LRP1B: variants seen among roughly 807,000 people sequenced by gnomAD.
LRP1B encodes low-density lipoprotein receptor-related protein 1B.
LRP1B carries 217 observed loss-of-function variants against 556.6 expected under a neutral mutation model. The ratio of observed to expected loss-of-function variants is 0.39; its 90% CI spans 0.35 to 0.44. LRP1B has a LOEUF of 0.44. Among genes scored for constraint, LRP1B ranks in the 20% least tolerant of loss-of-function variants. The probability of loss-of-function intolerance (pLI) is 1.00; values close to 1 mark genes in which losing one functional copy is unlikely to be tolerated. For missense variants in LRP1B, 5,053 were observed against 5,620.8 expected (o/e 0.90, Z 3.23); for synonymous variants, 2,047 against 1,865.8 (o/e 1.10, Z -2.50).
intron 1 of LRP1B, among the ~76,000 whole-genome samples, chr2:141,858,046 G>C (rs745535378): frequency 6.6e-6 from 1 of 152,082 alleles, no homozygotes; most frequent in Non-Finnish European, 1.5e-5. Context: ...AGTTAAAAAT[G>C]ATCCAAGTAG....
Position 140,600,873 on chromosome 2 carries a change from G to A in LRP1B, c.6989+577C>T, listed in dbSNP as rs1391488543. ...TATTCACTGAGTATATTTTATATCC[G>A]GAGCATTTTCTTTTGTCATGAAATT... On this transcript the variant is annotated intron_variant, in intron 42 of 90. Coordinates refer to ENST00000389484, the MANE Select transcript of LRP1B (RefSeq NM_018557.3). Among the ~76,000 whole-genome samples, 7 of 140,940 alleles carry A rather than the reference G, an allele frequency of 5.0e-5. No individual in the cohort carries two copies. In the South Asian group the frequency reaches 6.7e-4, roughly 13 times the overall value. 92.5% of individuals were successfully genotyped at this position (140,940 alleles called of 152,430 possible).
intron 1 of LRP1B, among the ~76,000 whole-genome samples, chr2:141,985,834 C>T (rs1255731835): frequency 1.3e-5 from 2 of 151,990 alleles, no homozygotes; most frequent in African/African-American, 4.8e-5. Flanking sequence ...AAATATGTTT[C>T]ACCTCAATGA....
intron 35 of LRP1B, among the ~76,000 whole-genome samples, chr2:140,717,737 C>G (rs983737598): frequency 6.6e-6 from 1 of 152,066 alleles, no homozygotes; most frequent in Admixed American, 6.6e-5. Context: ...TAAAATTTCC[C>G]TCTGGCACAC....
intron 1 of LRP1B, among the ~76,000 whole-genome samples, chr2:141,913,081 C>T (rs1042182241): frequency 3.3e-5 from 5 of 152,056 alleles, no homozygotes; most frequent in African/African-American, 1.2e-4. Context: ...GTTTTGCCTC[C>T]CCTCTAGGGT....
In LRP1B at chr2:141,544,382, C is replaced by CT. The variant is rs1559131551; in HGVS notation, c.206-63850dup. 7.5e-4 allele frequency among the ~76,000 whole-genome samples: 49 copies of CT among 65,702 alleles called. 1 individual carries two copies. Among genetic ancestry groups the CT allele is most frequent in the East Asian group, 1.4e-3 (2 of 1,388 alleles). The allele number at this position is 65,702 out of a possible 152,430, so 43.1% of individuals were successfully genotyped here. A position where few individuals can be genotyped will look rare whatever the true frequency, so the allele number is the denominator to read the frequency against. ...TCTTCTTCTTCTTCTTCTTCTTCTTCTCCTCCTCCTCCTCCTCCTCCTCCT... is the reference window on the plus strand; with the variant it reads ...TCTTCTTCTTCTTCTTCTTCTTCTTCTTCCTCCTCCTCCTCCTCCTCCTCCT... On this transcript the variant is annotated intron_variant, in intron 2 of 90. Transcript: ENST00000389484.
chr2:140,458,723 C>A (rs953285744), intron 60 of LRP1B, among the ~76,000 whole-genome samples: 9 of 151,936 alleles, frequency 5.9e-5, no homozygotes, highest in Admixed American at 5.2e-4. Context: ...GAAAAACTAT[C>A]AAAATTTCAA....
At chr2:141,283,658 C>T (rs941964134) in intron 3 of LRP1B, among the ~76,000 whole-genome samples, 16 of 138,430 alleles carry the variant, frequency 1.2e-4, no homozygotes, top group South Asian at 2.3e-4. Context: ...TGTAGTGGCG[C>T]GGTCTCGGCT....
intron 1 of LRP1B, among the ~76,000 whole-genome samples, chr2:141,910,152 A>AG (rs1477734730): frequency 2.0e-5 from 3 of 151,576 alleles, no homozygotes; most frequent in African/African-American, 7.3e-5. Context: ...AAAAAAAAAA[A>AG]AAAAAAATTG....
chr2:142,090,015 TAA>T (rs1706101786), intron 1 of LRP1B, among the ~76,000 whole-genome samples: 3 of 152,052 alleles, frequency 2.0e-5, no homozygotes, highest in Admixed American at 2.0e-4. Context: ...AGAAAAAAAG[TAA>T]AGTGTCAGAT....
At chr2:140,234,115 A>G (rs1680589871) in intron 90 of LRP1B, among the ~76,000 whole-genome samples, 1 of 151,346 alleles carries the variant, frequency 6.6e-6, no homozygotes, top group Non-Finnish European at 1.5e-5. Context: ...TCTTAGTTAC[A>G]ACAAGGAAAC....
intron 43 of LRP1B, among the ~76,000 whole-genome samples, chr2:140,581,487 T>A (rs1278722638): frequency 7.3e-6 from 1 of 137,646 alleles, no homozygotes; most frequent in Non-Finnish European, 1.7e-5. Context: ...GGCTTTGTTA[T>A]TTTTTTTTTG....
rs1317977600 is a variant in LRP1B at position 141,133,700 on chromosome 2, A to C, written c.1013+54721T>G. ...CTTATTCTGTACTCCCCTTAGCCCAATGACAGGCAAGCATTTTTATATGTA... is the reference window on the plus strand; with the variant it reads ...CTTATTCTGTACTCCCCTTAGCCCACTGACAGGCAAGCATTTTTATATGTA... On this transcript the variant is annotated intron_variant, in intron 7 of 90. Coordinates refer to ENST00000389484, the MANE Select transcript of LRP1B (RefSeq NM_018557.3). Among the ~76,000 whole-genome samples the C allele has an allele frequency of 2.0e-5, 3 of 152,002 alleles. No individual in the cohort carries two copies. The East Asian group carries it at 5.8e-4, about 29-fold the overall frequency.
chr2:140,339,149 C>A (rs1681247917), intron 77 of LRP1B, among the ~76,000 whole-genome samples: 1 of 151,744 alleles, frequency 6.6e-6, no homozygotes, highest in Non-Finnish European at 1.5e-5. Context: ...ACCCTTACAT[C>A]TTACAAAAAA....
At chr2:141,927,554 A>T (rs1226288314) in intron 1 of LRP1B, among the ~76,000 whole-genome samples, 1 of 152,104 alleles carries the variant, frequency 6.6e-6, no homozygotes, top group Non-Finnish European at 1.5e-5. Context: ...TATCCTAATC[A>T]GTGCCATGCT....
chr2:141,821,255 T>C (rs184371869), intron 1 of LRP1B, among the ~76,000 whole-genome samples: 1 of 152,324 alleles, frequency 6.6e-6, no homozygotes, highest in Non-Finnish European at 1.5e-5. Context: ...TTTGTTACGA[T>C]AGCAAAGAGA....
chr2:142,126,617 TGACA>T (rs1157725025), intron 1 of LRP1B, among the ~76,000 whole-genome samples: 3 of 151,938 alleles, frequency 2.0e-5, no homozygotes, highest in African/African-American at 4.8e-5. Flanking sequence ...AGAATTGTTT[TGACA>T]GACAGCCACA....
At chr2:141,814,338 G>A (rs373358425) in intron 1 of LRP1B, among the ~76,000 whole-genome samples, 15 of 152,212 alleles carry the variant, frequency 9.9e-5, no homozygotes, top group African/African-American at 2.6e-4. Flanking sequence ...GAGTTCTACC[G>A]AGGACCTGCC....
rs576912760 is a variant in LRP1B at position 141,127,340 on chromosome 2, A to G, written c.1013+61081T>C. On this transcript the variant is annotated intron_variant, in intron 7 of 90. Coordinates refer to ENST00000389484, the MANE Select transcript of LRP1B (RefSeq NM_018557.3). ...ATGGAAGACAGTGTAGTGACTCCTCAAGGATCTAGAACCAGAAATACCATT... is the reference window on the plus strand; with the variant it reads ...ATGGAAGACAGTGTAGTGACTCCTCGAGGATCTAGAACCAGAAATACCATT... Among the ~76,000 whole-genome samples, 44 of 152,294 alleles carry G rather than the reference A, an allele frequency of 2.9e-4. 1 individual carries two copies. The highest frequency in any genetic ancestry group is 6.5e-4 in the Admixed American group (10 of 15,284).
Position 140,353,132 on chromosome 2 carries a change from C to T in LRP1B, c.11531-60G>A, listed in dbSNP as rs1682051297. Reference sequence around the variant, plus strand: ...CCCTCAATTCAGACTCCTATTCTTACCACGTTTCAAAAAAGCCAAAATTAT... The same window carrying T: ...CCCTCAATTCAGACTCCTATTCTTATCACGTTTCAAAAAAGCCAAAATTAT... On this transcript the variant is annotated intron_variant, in intron 75 of 90. Coordinates refer to ENST00000389484, the MANE Select transcript of LRP1B (RefSeq NM_018557.3). 4.5e-6 allele frequency: 7 copies of T among 1,564,630 alleles called. No homozygotes were observed. The South Asian group carries it at 8.6e-5, about 19-fold the overall frequency.
Sources: allele counts gnomAD v4.1 joint callset (sites outside exome capture counted in the v4.1 genomes callset), GRCh38; gene constraint gnomAD v4.1.1; transcripts MANE v1.5; gene names NCBI Gene and HGNC (gene_info 2026-07-23, HGNC 2026-07-21).